Variants in EPOR observed in about 807,000 individuals in gnomAD.
The protein encoded by EPOR is erythropoietin receptor.
EPOR carries 20 observed loss-of-function variants against 34.3 expected under a neutral mutation model. The observed-to-expected ratio is 0.58, with a 90% CI of 0.41 to 0.85. The LOEUF (loss-of-function observed/expected upper bound fraction) is 0.85, where lower values mean the gene tolerates loss of function less well. EPOR is among the 40% of genes least tolerant of loss of function. The probability of loss-of-function intolerance (pLI) is 0.00; values close to 1 mark genes in which losing one functional copy is unlikely to be tolerated. For synonymous variants in EPOR, 312 were observed against 299.0 expected (o/e 1.04, Z -0.45); for missense variants, 601 against 672.7 (o/e 0.89, Z 1.18).
Position 11,378,639 on chromosome 19 carries a change from G to A in EPOR, c.916-44C>T, listed in dbSNP as rs1366705598. The stretch of plus-strand genomic sequence containing the variant: ...CCTGCTCAGAGAGGCCTGCAGTTTG[G>A]CTGCAAGAAGCAGGGAAGCCCAGGC... On this transcript the variant is annotated intron_variant, in intron 7 of 7. Coordinates refer to ENST00000222139, the MANE Select transcript of EPOR (RefSeq NM_000121.4). This position sits in a 1 kb window ranked among gnomAD's most constrained non-coding sequence, Gnocchi z 5.3. 3.1e-6 allele frequency: 5 copies of A among 1,614,030 alleles called. No individual in the cohort carries two copies. The African/African-American group carries it at 6.7e-5, about 22-fold the overall frequency.
At chr19:11,382,604 C>T (rs1310181329) in intron 2 of EPOR, among the ~76,000 whole-genome samples, 1 of 152,068 alleles carries the variant, frequency 6.6e-6, no homozygotes, top group East Asian at 1.9e-4. Context: ...CTCAGGTGAT[C>T]CGCCCGCCTC....
Position 11,381,259 on chromosome 19 carries a change from C to A in EPOR, c.586-50G>T. On this transcript the variant is annotated intron_variant, in intron 4 of 7. Coordinates refer to ENST00000222139, the MANE Select transcript of EPOR (RefSeq NM_000121.4). The surrounding 1 kb of genome is among the most constrained non-coding windows in gnomAD (Gnocchi z 5.3). ...ACGCGTAGCAGACAAAAATAGATGA[C>A]GTGGGGGCGGGCCCTGGTGGAACTG... 1 of 1,543,836 alleles carries A rather than the reference C, an allele frequency of 6.5e-7. No individual in the cohort carries two copies.
At chr19:11,379,003 A>G (rs988956299) in intron 6 of EPOR, among the ~76,000 whole-genome samples, 2 of 152,128 alleles carry the variant, frequency 1.3e-5, no homozygotes, top group African/African-American at 2.4e-5. Context: ...TAGGAGTTCA[A>G]TATACCTTGG....
chr19:11,381,621 C>G lies in EPOR; in HGVS notation c.585+71G>C. 6.6e-7 allele frequency: 1 copy of G among 1,508,236 alleles called. No homozygotes were observed. Among genetic ancestry groups the G allele is most frequent in the Non-Finnish European group, 9.0e-7 (1 of 1,115,538 alleles). 93.4% of individuals were successfully genotyped at this position (1,508,236 alleles called of 1,614,324 possible). On this transcript the variant is annotated intron_variant, in intron 4 of 7. Transcript: ENST00000222139. This position sits in a 1 kb window ranked among gnomAD's most constrained non-coding sequence, Gnocchi z 5.3. ...CCGGCCCTGAAAGCGGCACCGGGCG[C>G]GACCTCGAGAGGCGTGGCTGGGCCG...
At chr19:11,382,424 C>T (rs1250819798) in intron 2 of EPOR, among the ~76,000 whole-genome samples, 2 of 147,424 alleles carry the variant, frequency 1.4e-5, no homozygotes, top group African/African-American at 2.5e-5. Flanking sequence ...AGTGCAATGG[C>T]GCTACCTCGG....
At position 11,383,277 on chromosome 19, in the gene EPOR, T is replaced by C; in HGVS notation, c.116-45A>G. On this transcript the variant is annotated intron_variant, in intron 1 of 7. Transcript: ENST00000222139. This position sits in a 1 kb window ranked among gnomAD's most constrained non-coding sequence, Gnocchi z 4.9. The stretch of plus-strand genomic sequence containing the variant: ...GAAGGGCATGGGGGTCTGAGCTCTA[T>C]CCTCGGGAGACAGCCCCCTCCTCTT... The C allele has an allele frequency of 6.5e-7, 1 of 1,527,260 alleles. No homozygotes were observed. Among genetic ancestry groups the C allele is most frequent in the Non-Finnish European group, 8.8e-7 (1 of 1,141,042 alleles). 94.6% of individuals were successfully genotyped at this position (1,527,260 alleles called of 1,614,324 possible). A position where few individuals can be genotyped will look rare whatever the true frequency, so the allele number is the denominator to read the frequency against.
In EPOR at chr19:11,378,179, C is replaced by T. The variant is rs2144693917; in HGVS notation, c.1332G>A (p.Glu444=). The T allele has an allele frequency of 6.2e-7, 1 of 1,614,096 alleles. No homozygotes were observed. Among genetic ancestry groups the T allele is most frequent in the Non-Finnish European group, 8.5e-7 (1 of 1,180,030 alleles). ...QLLRPWTLCP[E]LPPTPPHLKY... ...TTAGGTGGGGTGGGGTAGGGGGCAG[C>T]TCAGGGCACAGTGTCCATGGACGCA... Residue 444 remains glutamate, a synonymous_variant, in exon 8 of 8, where the codon GAG becomes GAA. Transcript: ENST00000222139. This position sits in a 1 kb window ranked among gnomAD's most constrained non-coding sequence, Gnocchi z 5.3.
Position 11,378,959 on chromosome 19 carries a change from A to G in EPOR, c.828-181T>C, listed in dbSNP as rs1037702969. ...GCTGAAGCATCAGCAAGGCCCTACA[A>G]AAGGGTAAATGGAACAGGGTATTGA... On this transcript the variant is annotated intron_variant, in intron 6 of 7. Coordinates refer to ENST00000222139, the MANE Select transcript of EPOR (RefSeq NM_000121.4). The surrounding 1 kb of genome is among the most constrained non-coding windows in gnomAD (Gnocchi z 5.3). Among the ~76,000 whole-genome samples the G allele has an allele frequency of 2.6e-5, 4 of 152,162 alleles. No homozygotes were observed. Among genetic ancestry groups the G allele is most frequent in the African/African-American group, 9.7e-5 (4 of 41,434 alleles).
At position 11,381,096 on chromosome 19, in the gene EPOR, C is replaced by T; in HGVS notation, c.699G>A (p.Trp233Ter). ...GCGACACAGGCTCCGACCAGGCGCT[C>T]CAGAAGCCGCCGAAGCTCGGCTCAG... ...RMAEPSFGGFWSAWSEPVSLL... is the reference protein window; with the variant it reads ...RMAEPSFGGF Residue 233 changes from tryptophan (W) to a stop codon, truncating the protein, a stop_gained, in exon 5 of 8, where the codon TGG becomes TGA. Coordinates refer to ENST00000222139, the MANE Select transcript of EPOR (RefSeq NM_000121.4). LOFTEE classifies it high-confidence loss of function. This position sits in a 1 kb window ranked among gnomAD's most constrained non-coding sequence, Gnocchi z 5.3. The T allele has an allele frequency of 6.3e-7, 1 of 1,596,048 alleles. No homozygotes were observed. The highest frequency in any genetic ancestry group is 8.5e-7 in the Non-Finnish European group (1 of 1,171,564).
chr19:11,378,654 G>T lies in EPOR; in HGVS notation c.915+37C>A. ...CTGCAGTTTGGCTGCAAGAAGCAGG[G>T]AAGCCCAGGCACTGAGGGGACAACC... On this transcript the variant is annotated intron_variant, in intron 7 of 7. Transcript: ENST00000222139. The surrounding 1 kb of genome is among the most constrained non-coding windows in gnomAD (Gnocchi z 5.3). 6.2e-7 allele frequency: 1 copy of T among 1,614,140 alleles called. No individual in the cohort carries two copies. The highest frequency in any genetic ancestry group is 8.5e-7 in the Non-Finnish European group (1 of 1,180,002).
chr19:11,379,770 G>A (rs1968331927), intron 6 of EPOR, among the ~76,000 whole-genome samples: 1 of 150,434 alleles, frequency 6.6e-6, no homozygotes, highest in Non-Finnish European at 1.5e-5. Flanking sequence ...GCACGATCTC[G>A]GCTCACCCGC....
In EPOR at chr19:11,381,016, T is replaced by G. The variant is rs1449492761; in HGVS notation, c.739+40A>C. 1 of 1,571,490 alleles carries G rather than the reference T, an allele frequency of 6.4e-7. No individual in the cohort carries two copies. The highest frequency in any genetic ancestry group is 1.3e-5 in the African/African-American group (1 of 74,094). On this transcript the variant is annotated intron_variant, in intron 5 of 7. Transcript: ENST00000222139. The surrounding 1 kb of genome is among the most constrained non-coding windows in gnomAD (Gnocchi z 5.3). ...TCAGGGCGGTGGGCTTGCCCCGTGA[T>G]TCGCCCTGGCTCCTCCTACACCCCC...
intron 6 of EPOR, among the ~76,000 whole-genome samples, chr19:11,379,953 G>A (rs756692151): frequency 3.3e-5 from 5 of 152,194 alleles, no homozygotes; most frequent in Admixed American, 1.3e-4. Flanking sequence ...TGCCTGCCTC[G>A]GCATCCCAAA....
At position 11,378,203 on chromosome 19, in the gene EPOR, C is replaced by T; in HGVS notation, c.1308G>A (p.Leu436=). 1 of 1,614,084 alleles carries T rather than the reference C, an allele frequency of 6.2e-7. No individual in the cohort carries two copies. The highest frequency in any genetic ancestry group is 8.5e-7 in the Non-Finnish European group (1 of 1,180,024). ...GCTCAGGGCACAGTGTCCATGGACG[C>T]AAGAGCTGGGAGCTGGGGTCCAGGA... The part of the protein sequence containing the change: ...YTILDPSSQL[L]RPWTLCPELP... Residue 436 remains leucine, a synonymous_variant, in exon 8 of 8, where the codon TTG becomes TTA. Coordinates refer to ENST00000222139, the MANE Select transcript of EPOR (RefSeq NM_000121.4). The surrounding 1 kb of genome is among the most constrained non-coding windows in gnomAD (Gnocchi z 5.3).
At chr19:11,384,061 A>G (rs1277440562) in intron 1 of EPOR, 32 bp downstream of exon 1, 4 of 1,380,126 alleles carry the variant, frequency 2.9e-6, no homozygotes, top group Non-Finnish European at 4.0e-6. Context: ...TGCAGGCTCC[A>G]GCGTAGGGGT....
At chr19:11,380,765 G>A in intron 6 of EPOR, 119 bp downstream of exon 6, 1 of 814,386 alleles carries the variant, frequency 1.2e-6, no homozygotes, top group South Asian at 1.5e-5. Flanking sequence ...CCACTGATGT[G>A]AATCCTTACT....
Position 11,378,000 on chromosome 19 carries a change from T to C in EPOR, c.1511A>G (p.Tyr504Cys), listed in dbSNP as rs1404996393. The stretch of plus-strand genomic sequence containing the variant: ...CCTGGTGTCCTAAGAGCAAGCCACA[T>C]AGCTGGGGGGCAGAGGCTCAGCGGC... ...IPAAEPLPPS[Y>C]VACS Residue 504 changes from tyrosine (Y) to cysteine (C), a missense_variant, in exon 8 of 8, where the codon TAT (tyrosine) becomes TGT (cysteine). By Grantham distance (194) the Tyr-to-Cys change is radical. Transcript: ENST00000222139. The C allele has an allele frequency of 1.9e-6, 3 of 1,614,062 alleles. No homozygotes were observed. The highest frequency in any genetic ancestry group is 2.5e-6 in the Non-Finnish European group (3 of 1,180,012).
In EPOR at chr19:11,378,791, A is replaced by C. The variant is rs778780691; in HGVS notation, c.828-13T>G. 1 of 1,613,560 alleles carries C rather than the reference A, an allele frequency of 6.2e-7. No homozygotes were observed. Among genetic ancestry groups the C allele is most frequent in the African/African-American group, 1.3e-5 (1 of 75,042 alleles). ...CTGCTTCAGAGCCCTGTTGAAGCCA[A>C]TATAAATAGTTACATAGATATGACT... On this transcript the variant is annotated splice_polypyrimidine_tract_variant and intron_variant, in intron 6 of 7. Coordinates refer to ENST00000222139, the MANE Select transcript of EPOR (RefSeq NM_000121.4). The surrounding 1 kb of genome is among the most constrained non-coding windows in gnomAD (Gnocchi z 5.3).
At position 11,383,189 on chromosome 19, in the gene EPOR, G is replaced by A; in HGVS notation, c.159C>T (p.Phe53=). 1 of 1,609,522 alleles carries A rather than the reference G, an allele frequency of 6.2e-7. No homozygotes were observed. The highest frequency in any genetic ancestry group is 8.5e-7 in the Non-Finnish European group (1 of 1,178,120). Residue 53 remains phenylalanine, a synonymous_variant, in exon 2 of 8, where the codon TTC becomes TTT. Coordinates refer to ENST00000222139, the MANE Select transcript of EPOR (RefSeq NM_000121.4). The surrounding 1 kb of genome is among the most constrained non-coding windows in gnomAD (Gnocchi z 4.9). ...ACACCAAGTCCTCCAACCGCTCGGT[G>A]AAGCACAGAAGCTCTTCGGGCCCCC... ...AARGPEELLC[F]TERLEDLVCF... is the part of the protein sequence containing the mutation.
Sources: allele counts gnomAD v4.1 joint callset (sites outside exome capture counted in the v4.1 genomes callset), GRCh38; gene constraint gnomAD v4.1.1; non-coding constraint Gnocchi (gnomAD v3.1); transcripts MANE v1.5; gene names NCBI Gene and HGNC (gene_info 2026-07-23, HGNC 2026-07-21).